Variants in C2CD5 observed in about 807,000 individuals in gnomAD.
C2CD5 encodes the protein C2 calcium dependent domain containing 5, also known as C2 domain-containing protein 5.
Under a neutral mutation model 130.3 loss-of-function variants are expected in C2CD5, and 109 were observed. That is an observed-to-expected ratio of 0.84 (90% CI 0.72 to 0.98). The LOEUF is 0.98. Among genes scored for constraint, C2CD5 ranks in the 50% least tolerant of loss-of-function variants. The pLI is 0.00. For synonymous variants in C2CD5, 454 were observed against 429.2 expected, an observed-to-expected ratio of 1.06 and a Z score of -0.71; for missense variants, 996 against 1,261.8, an observed-to-expected ratio of 0.79 and a Z score of 3.19.
intron 13 of C2CD5, among the ~76,000 whole-genome samples, chr12:22,483,564 A>G (rs1441584289): frequency 6.6e-6 from 1 of 152,192 alleles, no homozygotes; most frequent in Non-Finnish European, 1.5e-5. Context: ...AGACAGACAA[A>G]AAAAATAGCT....
At chr12:22,529,495 G>A (rs1951018924) in intron 3 of C2CD5, among the ~76,000 whole-genome samples, 1 of 151,998 alleles carries the variant, frequency 6.6e-6, no homozygotes, top group African/African-American at 2.4e-5. Context: ...TAACAACTAA[G>A]TGACTAAAAA....
chr12:22,470,793 A>G, intron 21 of C2CD5, 31 bp downstream of exon 21: 1 of 1,349,904 alleles, frequency 7.4e-7, no homozygotes, highest in Non-Finnish European at 1.1e-6. Context: ...AGACAAACAC[A>G]AACTGAACTT....
intron 7 of C2CD5, among the ~76,000 whole-genome samples, chr12:22,520,788 C>A (rs552829221): frequency 6.6e-6 from 1 of 151,736 alleles, no homozygotes; most frequent in Non-Finnish European, 1.5e-5. Flanking sequence ...GAGAGTTAAG[C>A]TGGAAAACAC....
intron 24 of C2CD5, 36 bp from the exon 25 acceptor site, chr12:22,457,197 A>C: frequency 7.0e-7 from 1 of 1,428,308 alleles, no homozygotes; most frequent in South Asian, 1.2e-5. Context: ...CATTCAGAAC[A>C]GACGCTGGTA....
Position 22,535,057 on chromosome 12 carries a change from T to C in C2CD5, c.177+201A>G, listed in dbSNP as rs1190580657. On this transcript the variant is annotated intron_variant, in intron 3 of 26. Coordinates refer to ENST00000446597, the MANE Select transcript of C2CD5 (RefSeq NM_001286176.2). ...ATAATACATCTGAAGACTTCTTTTG[T>C]TAATGTGTTATCATATACTGTATTT... The C allele has an allele frequency of 2.7e-5, 12 of 446,160 alleles. No individual in the cohort carries two copies. The Middle Eastern group carries it at 1.9e-3, about 70-fold the overall frequency. The allele number at this position is 446,160 out of a possible 1,614,324, so 27.6% of individuals were successfully genotyped here. A position where few individuals can be genotyped will look rare whatever the true frequency, so the allele number is the denominator to read the frequency against.
At chr12:22,516,916 T>C (rs1949779314) in intron 8 of C2CD5, among the ~76,000 whole-genome samples, 1 of 151,902 alleles carries the variant, frequency 6.6e-6, no homozygotes. Flanking sequence ...AATAACTACA[T>C]TATTTGTAGA....
chr12:22,470,465 CA>C (rs1243097142), intron 21 of C2CD5, among the ~76,000 whole-genome samples: 5 of 152,100 alleles, frequency 3.3e-5, no homozygotes, highest in African/African-American at 1.2e-4. Context: ...AAATAATACA[CA>C]GGCACACAAT....
chr12:22,476,445 TAC>T (rs756557929), intron 15 of C2CD5, among the ~76,000 whole-genome samples: 21 of 152,182 alleles, frequency 1.4e-4, no homozygotes, highest in Non-Finnish European at 2.8e-4. Flanking sequence ...GTTGTGAAAA[TAC>T]AGTCATCCTC....
intron 25 of C2CD5, among the ~76,000 whole-genome samples, chr12:22,454,319 CTAG>C (rs1337487105): frequency 6.6e-6 from 1 of 152,038 alleles, no homozygotes. Flanking sequence ...ATCAAATTAG[CTAG>C]TAAGTAAATG....
Position 22,528,445 on chromosome 12 carries a change from T to C in C2CD5, c.178-553A>G, listed in dbSNP as rs117109333. 2.1e-3 allele frequency among the ~76,000 whole-genome samples: 323 copies of C among 152,330 alleles called. 9 individuals carry two copies. In the East Asian group the frequency reaches 0.05, roughly 24 times the overall value. Reference sequence around the variant, plus strand: ...AGTTGTTATCATATGCCAAACACTGTGCCAAACAGAGGCATTTACAATGGA... The same window carrying C: ...AGTTGTTATCATATGCCAAACACTGCGCCAAACAGAGGCATTTACAATGGA... On this transcript the variant is annotated intron_variant, in intron 3 of 26. Transcript: ENST00000446597.
chr12:22,519,926 T>G (rs895831572), intron 7 of C2CD5, among the ~76,000 whole-genome samples: 2 of 152,162 alleles, frequency 1.3e-5, no homozygotes, highest in Non-Finnish European at 2.9e-5. Context: ...TCAATAACTT[T>G]GGCTCTCATA....
At chr12:22,519,365 C>T (rs1399326380) in intron 7 of C2CD5, 3 of 677,240 alleles carry the variant, frequency 4.4e-6, no homozygotes, top group Non-Finnish European at 6.6e-6. Flanking sequence ...TAATCCCTAG[C>T]ATGCAAAAAA....
At chr12:22,479,472 C>T (rs1591773649) in intron 14 of C2CD5, among the ~76,000 whole-genome samples, 1 of 151,980 alleles carries the variant, frequency 6.6e-6, no homozygotes, top group African/African-American at 2.4e-5. Flanking sequence ...TGAGCAGATG[C>T]TCTATCTTTA....
At chr12:22,542,996 T>C (rs549091069) in intron 2 of C2CD5, among the ~76,000 whole-genome samples, 14 of 152,344 alleles carry the variant, frequency 9.2e-5, no homozygotes, top group African/African-American at 3.1e-4. Context: ...TCACCTAACA[T>C]CTGGCACAAG....
intron 11 of C2CD5, among the ~76,000 whole-genome samples, chr12:22,492,966 G>A (rs1946537100): frequency 6.6e-6 from 1 of 152,250 alleles, no homozygotes; most frequent in Non-Finnish European, 1.5e-5. Context: ...AATCACTGAT[G>A]TAAATGATTA....
In C2CD5 at chr12:22,482,640, T is replaced by A; in HGVS notation, c.1654A>T (p.Lys552Ter). 4 of 1,613,350 alleles carry A rather than the reference T, an allele frequency of 2.5e-6. No individual in the cohort carries two copies. The highest frequency in any genetic ancestry group is 3.4e-6 in the Non-Finnish European group (4 of 1,179,360). ...EYEVHTQLMN[K>*]LKLKGMNALF... Reference sequence around the variant, plus strand: ...GCATTCATTCCTTTGAGTTTTAGTTTATTCATTAGCTGAGTATGCACTTCA... The same window carrying A: ...GCATTCATTCCTTTGAGTTTTAGTTAATTCATTAGCTGAGTATGCACTTCA... The change falls in exon 14 of 27, where the codon AAA (lysine) becomes TAA (stop). Residue 552 changes from lysine (K) to a stop codon, truncating the protein, a stop_gained. Transcript: ENST00000446597. LOFTEE classifies it high-confidence loss of function.
intron 2 of C2CD5, among the ~76,000 whole-genome samples, chr12:22,543,648 G>T (rs1952631037): frequency 6.6e-6 from 1 of 152,146 alleles, no homozygotes. Flanking sequence ...CCACACCTTG[G>T]GATCTCCTGA....
At chr12:22,533,165 G>C (rs145449210) in intron 3 of C2CD5, among the ~76,000 whole-genome samples, 2 of 152,156 alleles carry the variant, frequency 1.3e-5, no homozygotes, top group African/African-American at 2.4e-5. Context: ...TTGGGAAGGG[G>C]GGGTGGTGGG....
intron 14 of C2CD5, among the ~76,000 whole-genome samples, chr12:22,480,059 T>C (rs932800611): frequency 1.2e-4 from 18 of 152,334 alleles, no homozygotes; most frequent in African/African-American, 4.1e-4. Flanking sequence ...GTTTGTTCAT[T>C]AGTGTCCATC....
Sources: gnomAD v4.1 joint callset for allele counts (sites outside exome capture counted in the v4.1 genomes callset) on GRCh38, gnomAD v4.1.1 for gene constraint, MANE v1.5 for transcripts, NCBI Gene and HGNC (gene_info 2026-07-23, HGNC 2026-07-21) for gene names.